Variants in MIPOL1 observed in about 807,000 individuals in gnomAD.
The protein encoded by MIPOL1 is mirror-image polydactyly 1, also known as mirror-image polydactyly gene 1 protein.
In MIPOL1, 57 loss-of-function variants were observed where a neutral mutation model predicts 60.9. The observed-to-expected ratio is 0.94, with a 90% CI of 0.76 to 1.17. The LOEUF (loss-of-function observed/expected upper bound fraction) is 1.17. Ranked by LOEUF, MIPOL1 falls within the 50% of genes most tolerant of loss-of-function variation. MIPOL1 has a pLI of 0.00. For synonymous variants in MIPOL1, 179 were observed against 168.8 expected, an observed-to-expected ratio of 1.06 and a Z score of -0.47; for missense variants, 551 against 511.6, an observed-to-expected ratio of 1.08 and a Z score of -0.74.
intron 11 of MIPOL1, among the ~76,000 whole-genome samples, chr14:37,466,469 G>C: frequency 6.6e-6 from 1 of 152,116 alleles, no homozygotes; most frequent in East Asian, 1.9e-4. Context: ...ATATCAGTTT[G>C]ATAACTAGCA....
At chr14:37,460,193 G>T (rs1435826605) in intron 11 of MIPOL1, among the ~76,000 whole-genome samples, 1 of 151,976 alleles carries the variant, frequency 6.6e-6, no homozygotes, top group African/African-American at 2.4e-5. Context: ...ATTCCAGGGA[G>T]GCAAAGATGG....
intron 10 of MIPOL1, among the ~76,000 whole-genome samples, chr14:37,415,800 C>G (rs1241873487): frequency 1.3e-5 from 2 of 152,050 alleles, no homozygotes; most frequent in African/African-American, 4.8e-5. Context: ...TCCTCATCTA[C>G]ATAATAGAAT....
intron 3 of MIPOL1, among the ~76,000 whole-genome samples, chr14:37,262,311 T>TA (rs911175169): frequency 1.3e-5 from 2 of 151,160 alleles, no homozygotes; most frequent in African/African-American, 2.4e-5. Flanking sequence ...TAATATTCAT[T>TA]AAAAAAAAAG....
In MIPOL1 at chr14:37,550,891, CAT is replaced by C. The variant is rs2095560248; in HGVS notation, c.*3926_*3927del. On this transcript the variant is annotated 3_prime_UTR_variant, in exon 13 of 13. Transcript: ENST00000684589. The stretch of plus-strand genomic sequence containing the variant: ...GTTTTTCTTGTGCTTGCTTCGGCAG[CAT>C]ATATACTGAAATTAGAAAAAGAAAA... 2 of 152,200 alleles carry C rather than the reference CAT, an allele frequency of 1.3e-5. No homozygotes were observed. Among genetic ancestry groups the C allele is most frequent in the Admixed American group, 1.3e-4 (2 of 15,276 alleles). The allele number at this position is 152,200 out of a possible 1,614,324, so 9.4% of individuals were successfully genotyped here.
chr14:37,200,102 T>C (rs1964987251), intron 1 of MIPOL1, among the ~76,000 whole-genome samples: 1 of 152,214 alleles, frequency 6.6e-6, no homozygotes, highest in South Asian at 2.1e-4. Context: ...TTCATGTGTT[T>C]ACTGGCATTT....
At chr14:37,453,599 C>G (rs539244331) in intron 11 of MIPOL1, among the ~76,000 whole-genome samples, 1 of 152,082 alleles carries the variant, frequency 6.6e-6, no homozygotes, top group African/African-American at 2.4e-5. Flanking sequence ...TGGTAACTAC[C>G]TTTCAAAATT....
At chr14:37,361,941 C>CT (rs1161978853) in intron 9 of MIPOL1, among the ~76,000 whole-genome samples, 5 of 151,938 alleles carry the variant, frequency 3.3e-5, no homozygotes, top group East Asian at 1.9e-4. Flanking sequence ...GCAATGCCTG[C>CT]TTTTTTTGCT....
intron 11 of MIPOL1, among the ~76,000 whole-genome samples, chr14:37,497,055 A>C (rs1025718152): frequency 1.3e-5 from 2 of 152,038 alleles, no homozygotes; most frequent in Non-Finnish European, 2.9e-5. Context: ...AGGATTCCCT[A>C]TTTAATAAAT....
intron 9 of MIPOL1, among the ~76,000 whole-genome samples, chr14:37,359,918 C>T (rs1485047570): frequency 9.2e-5 from 14 of 152,164 alleles, no homozygotes; most frequent in Admixed American, 7.9e-4. Context: ...GGGAATGCTT[C>T]CAGTTTTTTC....
At chr14:37,308,626 T>C in intron 9 of MIPOL1, 107 bp downstream of exon 9, 1 of 705,954 alleles carries the variant, frequency 1.4e-6, no homozygotes, top group East Asian at 3.1e-5. Flanking sequence ...CACATTAATT[T>C]TTAGCACATA....
intron 11 of MIPOL1, among the ~76,000 whole-genome samples, chr14:37,434,818 C>G (rs947083978): frequency 1.4e-5 from 2 of 141,096 alleles, no homozygotes; most frequent in African/African-American, 5.3e-5. Context: ...CTGTTGTGCT[C>G]AAAGTCTACT....
chr14:37,469,314 AAGAG>A (rs371136688), intron 11 of MIPOL1, among the ~76,000 whole-genome samples: 4 of 151,406 alleles, frequency 2.6e-5, no homozygotes, highest in Non-Finnish European at 3.0e-5. Flanking sequence ...GAGCAGGAGG[AAGAG>A]AGAGAGAGAG....
intron 11 of MIPOL1, among the ~76,000 whole-genome samples, chr14:37,445,505 A>C: frequency 6.6e-6 from 1 of 151,348 alleles, no homozygotes; most frequent in Non-Finnish European, 1.5e-5. Flanking sequence ...GCCCAAGGTA[A>C]TTTATAGATT....
At chr14:37,248,768 A>G (rs1442946790) in intron 3 of MIPOL1, among the ~76,000 whole-genome samples, 1 of 152,142 alleles carries the variant, frequency 6.6e-6, no homozygotes, top group Non-Finnish European at 1.5e-5. Flanking sequence ...GTATATATGC[A>G]GACAGAGGAG....
chr14:37,274,224 T>C (rs2083484132), intron 6 of MIPOL1, among the ~76,000 whole-genome samples: 1 of 151,666 alleles, frequency 6.6e-6, no homozygotes, highest in South Asian at 2.1e-4. Context: ...TAAACTTTCA[T>C]GTAGACTGTT....
chr14:37,297,488 T>A (rs1293824490), intron 7 of MIPOL1, among the ~76,000 whole-genome samples: 1 of 152,130 alleles, frequency 6.6e-6, no homozygotes, highest in Non-Finnish European at 1.5e-5. Flanking sequence ...TAAAGGGCAT[T>A]GAATTAGGAA....
intron 1 of MIPOL1, among the ~76,000 whole-genome samples, chr14:37,234,737 C>T (rs1971169918): frequency 6.6e-6 from 1 of 151,520 alleles, no homozygotes; most frequent in Non-Finnish European, 1.5e-5. Context: ...TTATTGGTCC[C>T]TGCAGTACTG....
At chr14:37,441,047 A>G (rs1307066468) in intron 11 of MIPOL1, among the ~76,000 whole-genome samples, 1 of 152,180 alleles carries the variant, frequency 6.6e-6, no homozygotes, top group Non-Finnish European at 1.5e-5. Flanking sequence ...CCTATTGGCT[A>G]TTTGTGTGTC....
chr14:37,316,224 T>G (rs938504084), intron 9 of MIPOL1, among the ~76,000 whole-genome samples: 5 of 151,828 alleles, frequency 3.3e-5, no homozygotes, highest in Non-Finnish European at 7.4e-5. Flanking sequence ...AGAAACGGGG[T>G]TTCATCATGT....
Sources: allele counts gnomAD v4.1 joint callset (sites outside exome capture counted in the v4.1 genomes callset), GRCh38; gene constraint gnomAD v4.1.1; transcripts MANE v1.5; gene names NCBI Gene and HGNC (gene_info 2026-07-23, HGNC 2026-07-21).